Variants in MTA1 observed in about 807,000 individuals in gnomAD.
The protein encoded by MTA1 is metastasis-associated protein MTA1.
In MTA1, 15 loss-of-function variants were observed where a neutral mutation model predicts 97.0. That is an observed-to-expected ratio of 0.15 (90% CI 0.10 to 0.24). MTA1 has a LOEUF of 0.24. MTA1 is among the 10% of genes least tolerant of loss of function. The pLI, the probability that MTA1 is intolerant of heterozygous loss-of-function variation, is 1.00. For synonymous variants in MTA1, 435 were observed against 417.5 expected, an observed-to-expected ratio of 1.04 and a Z score of -0.51; for missense variants, 709 against 1,015.1, an observed-to-expected ratio of 0.70 and a Z score of 4.10.
At chr14:105,432,800 AATGAG>A (rs1243193324) in intron 1 of MTA1, among the ~76,000 whole-genome samples, 2 of 152,190 alleles carry the variant, frequency 1.3e-5, no homozygotes, top group Non-Finnish European at 2.9e-5. Flanking sequence ...CAAGAGGTAA[AATGAG>A]AGGCAAAGTC....
At chr14:105,454,971 T>G (rs587696732) in intron 7 of MTA1, among the ~76,000 whole-genome samples, 4 of 152,040 alleles carry the variant, frequency 2.6e-5, no homozygotes, top group Non-Finnish European at 5.9e-5. Flanking sequence ...AGTGGTGCAA[T>G]CACAGCTCAC....
rs1002112345 is a variant in MTA1, at chr14:105,464,696, G to T, written c.1367G>T (p.Arg456Leu). The stretch of plus-strand genomic sequence containing the variant: ...CAGAGTCCCCACGGCCTCCCAGCCC[G>T]GAGCAGCGGGAGCCCCAAGTTTGCC... ...SNMSPHGLPARSSGSPKFAMK... is the reference protein window; with the variant it reads ...SNMSPHGLPALSSGSPKFAMK... The change falls in exon 15 of 21, where the codon CGG becomes CTG. Residue 456 changes from arginine (R) to leucine (L), a missense_variant. Coordinates refer to ENST00000331320, the MANE Select transcript of MTA1 (RefSeq NM_004689.4). 2 of 1,604,730 alleles carry T rather than the reference G, an allele frequency of 1.2e-6. No individual in the cohort carries two copies. The highest frequency in any genetic ancestry group is 1.7e-6 in the Non-Finnish European group (2 of 1,174,092).
intron 14 of MTA1, 46 bp from the exon 15 acceptor site, chr14:105,464,628 C>A (rs1555432044): frequency 6.2e-7 from 1 of 1,608,674 alleles, no homozygotes; most frequent in Non-Finnish European, 8.5e-7. Context: ...GGTCCTCGGC[C>A]CCCGGTCATG....
At chr14:105,440,419 A>G (rs1239044244) in intron 2 of MTA1, among the ~76,000 whole-genome samples, 1 of 152,180 alleles carries the variant, frequency 6.6e-6, no homozygotes, top group African/African-American at 2.4e-5. Context: ...CTGGCAGGCA[A>G]CCCGGGGCGG....
intron 2 of MTA1, among the ~76,000 whole-genome samples, chr14:105,444,045 A>G (rs1484669236): frequency 2.7e-5 from 4 of 148,724 alleles, no homozygotes; most frequent in African/African-American, 1.0e-4. Flanking sequence ...CTGAGATCGC[A>G]CCACTGCCCT....
intron 1 of MTA1, among the ~76,000 whole-genome samples, chr14:105,421,091 C>T (rs1357798892): frequency 6.6e-6 from 1 of 151,648 alleles, no homozygotes; most frequent in Non-Finnish European, 1.5e-5. Flanking sequence ...GTCTGGCCGG[C>T]CAGTCCTGTG....
At chr14:105,467,068 GC>G (rs1795743931) in intron 18 of MTA1, 1 of 484,424 alleles carries the variant, frequency 2.1e-6, no homozygotes, top group Non-Finnish European at 3.7e-6. Context: ...AGCTCGTGGG[GC>G]CGCCCGTGCT....
chr14:105,444,447 A>G lies in MTA1; in HGVS notation c.97-971A>G, dbSNP rs1053783880. 5.9e-5 allele frequency among the ~76,000 whole-genome samples: 9 copies of G among 152,266 alleles called. No individual in the cohort carries two copies. The East Asian group carries it at 1.2e-3, about 20-fold the overall frequency. ...GGAGGCTGCAGTGACCTGACATCAC[A>G]CTGCTGCATTCTAGTCTGGGCAACA... On this transcript the variant is annotated intron_variant, in intron 2 of 20. Transcript: ENST00000331320.
chr14:105,429,959 G>A (rs1157771625), intron 1 of MTA1, among the ~76,000 whole-genome samples: 3 of 151,260 alleles, frequency 2.0e-5, no homozygotes, highest in Non-Finnish European at 4.4e-5. Flanking sequence ...GTTTCACCAT[G>A]TTGGCCAGGC....
At chr14:105,427,938 C>T (rs1387122300) in intron 1 of MTA1, among the ~76,000 whole-genome samples, 13 of 143,446 alleles carry the variant, frequency 9.1e-5, no homozygotes, top group Admixed American at 8.7e-4. Flanking sequence ...GAATCACTTG[C>T]GTGCAGGACG....
chr14:105,468,058 G>A (rs906662948), intron 18 of MTA1: 4 of 347,990 alleles, frequency 1.1e-5, no homozygotes, highest in Non-Finnish European at 2.3e-5. Flanking sequence ...GACGTGTAGC[G>A]GCCAGGACCT....
intron 18 of MTA1, chr14:105,467,629 T>A (rs1410828485): frequency 2.6e-6 from 1 of 378,698 alleles, no homozygotes; most frequent in Non-Finnish European, 5.3e-6. Context: ...CCTCCCGACA[T>A]CCCTTGGCGG....
chr14:105,465,257 T>A, intron 16 of MTA1, 74 bp downstream of exon 16: 1 of 1,295,112 alleles, frequency 7.7e-7, no homozygotes, highest in Non-Finnish European at 1.0e-6. Context: ...CATGCACTGG[T>A]GCTCCCAGCC....
intron 18 of MTA1, chr14:105,469,041 A>C: frequency 2.5e-6 from 1 of 401,152 alleles, no homozygotes; most frequent in Non-Finnish European, 5.0e-6. Flanking sequence ...TCAGAGCCTT[A>C]GGAAAAAGCC....
At chr14:105,466,872 GCC>G (rs2083613783) in intron 18 of MTA1, 130 bp downstream of exon 18, 1 of 916,994 alleles carries the variant, frequency 1.1e-6, no homozygotes, top group Admixed American at 2.9e-5. Flanking sequence ...CCAGGCCACA[GCC>G]CAGTTCCCCA....
Position 105,424,448 on chromosome 14 carries a change from G to A in MTA1, c.28+4385G>A, listed in dbSNP as rs587720261. ...GATCTCCTGACCTTGTGACCCACCCGCCTCAGCCTCTCAAAGTATTGGGAT... is the reference window on the plus strand; with the variant it reads ...GATCTCCTGACCTTGTGACCCACCCACCTCAGCCTCTCAAAGTATTGGGAT... On this transcript the variant is annotated intron_variant, in intron 1 of 20. Transcript: ENST00000331320. The surrounding 1 kb of genome is among the most constrained non-coding windows in gnomAD (Gnocchi z 4.0). Among the ~76,000 whole-genome samples, 2 of 150,864 alleles carry A rather than the reference G, an allele frequency of 1.3e-5. No homozygotes were observed. The highest frequency in any genetic ancestry group is 2.0e-4 in the East Asian group (1 of 5,122).
intron 16 of MTA1, chr14:105,466,078 G>T (rs587740954): frequency 3.0e-5 from 8 of 269,566 alleles, no homozygotes; most frequent in African/African-American, 1.6e-4. Context: ...AGCTCCGGGG[G>T]CCTGGACGTG....
Position 105,466,424 on chromosome 14 carries a change from A to AGTGGGG in MTA1, c.1625-1_1625insTGGGGG. 6.5e-7 allele frequency: 1 copy of AGTGGGG among 1,550,338 alleles called. No homozygotes were observed. Among genetic ancestry groups the AGTGGGG allele is most frequent in the Non-Finnish European group, 8.8e-7 (1 of 1,132,588 alleles). Reference sequence around the variant, plus strand: ...TCGTTCTGCCTGTGTCATTCCCGGCAGAGACCCACCCCCGCCCCCCCAAGC... The same window carrying AGTGGGG: ...TCGTTCTGCCTGTGTCATTCCCGGCAGTGGGGGAGACCCACCCCCGCCCCCCCAAGC... On this transcript the variant is annotated splice_acceptor_variant, in intron 16 of 20. Coordinates refer to ENST00000331320, the MANE Select transcript of MTA1 (RefSeq NM_004689.4). LOFTEE classifies it high-confidence loss of function.
rs1177125057 is a variant in MTA1 at position 105,463,611 on chromosome 14, A to G, written c.1076+60A>G. 18 of 1,550,140 alleles carry G rather than the reference A, an allele frequency of 1.2e-5. No homozygotes were observed. Among genetic ancestry groups the G allele is most frequent in the Non-Finnish European group, 1.6e-5 (18 of 1,123,858 alleles). ...CCCGGGGGCCAGGGAGGGTGGGCAC[A>G]GGGTGCTGGGGCCAGGCGGGTCCCA... On this transcript the variant is annotated intron_variant, in intron 12 of 20. Coordinates refer to ENST00000331320, the MANE Select transcript of MTA1 (RefSeq NM_004689.4). This position sits in a 1 kb window ranked among gnomAD's most constrained non-coding sequence, Gnocchi z 5.9.
Sources: gnomAD v4.1 joint callset for allele counts (sites outside exome capture counted in the v4.1 genomes callset) on GRCh38, gnomAD v4.1.1 for gene constraint, Gnocchi (gnomAD v3.1) non-coding constraint, MANE v1.5 for transcripts, NCBI Gene and HGNC (gene_info 2026-07-23, HGNC 2026-07-21) for gene names.